The following UVRAG variants were observed in gnomAD, a reference collection of about 807,000 sequenced individuals.
The protein encoded by UVRAG is UV radiation resistance-associated gene protein.
A neutral mutation model predicts 78.0 loss-of-function variants in UVRAG; 19 were observed. That is an observed-to-expected ratio of 0.24 (90% CI 0.17 to 0.36). The LOEUF is 0.36. Among genes scored for constraint, UVRAG ranks in the 10% least tolerant of loss-of-function variants. The pLI is 1.00. For synonymous variants in UVRAG, 323 were observed against 324.6 expected (o/e 1.00, Z 0.05); for missense variants, 740 against 853.8 (o/e 0.87, Z 1.66).
chr11:75,897,100 T>C (rs1414295203), intron 5 of UVRAG, among the ~76,000 whole-genome samples: 2 of 152,222 alleles, frequency 1.3e-5, no homozygotes, highest in African/African-American at 2.4e-5. Flanking sequence ...CAAATCTTTG[T>C]GGATGAAAGA....
chr11:75,889,276 A>G lies in UVRAG; in HGVS notation c.507+373A>G, dbSNP rs565032391. On this transcript the variant is annotated intron_variant, in intron 5 of 14. Transcript: ENST00000356136. ...TTTCAATACATTTAAGAAACTATGA[A>G]TCGGTTGTTTTATAGTCAGCATTAT... is the stretch of plus-strand genomic sequence containing the variant. Among the ~76,000 whole-genome samples, 13 of 152,342 alleles carry G rather than the reference A, an allele frequency of 8.5e-5. 1 individual carries two copies. In the South Asian group the frequency reaches 2.7e-3, roughly 32 times the overall value.
intron 6 of UVRAG, among the ~76,000 whole-genome samples, chr11:75,932,133 A>G (rs1948253649): frequency 6.6e-6 from 1 of 152,182 alleles, no homozygotes; most frequent in Non-Finnish European, 1.5e-5. Flanking sequence ...AAATTCAAAC[A>G]GAATAATGCC....
intron 1 of UVRAG, among the ~76,000 whole-genome samples, chr11:75,844,529 G>A (rs1945992801): frequency 6.6e-6 from 1 of 151,982 alleles, no homozygotes; most frequent in Non-Finnish European, 1.5e-5. Flanking sequence ...CCGGCCTAAA[G>A]CAGCTTTCTA....
In UVRAG at chr11:76,028,153, A is replaced by G. The variant is rs907170679; in HGVS notation, c.1226+11173A>G. ...ATTATTATATCTATTGTGGTGACCT[A>G]TAATCAATGATCTTTCATGTTATTG... On this transcript the variant is annotated intron_variant, in intron 12 of 14. Coordinates refer to ENST00000356136, the MANE Select transcript of UVRAG (RefSeq NM_003369.4). 4.6e-5 allele frequency among the ~76,000 whole-genome samples: 7 copies of G among 152,238 alleles called. No homozygotes were observed. The South Asian group carries it at 1.5e-3, about 32-fold the overall frequency.
chr11:75,918,035 C>A (rs1366580703), intron 6 of UVRAG, among the ~76,000 whole-genome samples: 1 of 151,952 alleles, frequency 6.6e-6, no homozygotes, highest in African/African-American at 2.4e-5. Flanking sequence ...TATCTTAAAT[C>A]CTTACAATCT....
intron 13 of UVRAG, among the ~76,000 whole-genome samples, chr11:76,088,926 G>C (rs540224864): frequency 6.6e-6 from 1 of 152,284 alleles, no homozygotes; most frequent in East Asian, 1.9e-4. Context: ...AAATTAATAA[G>C]TTCCTTAAGG....
chr11:76,099,784 C>T (rs1951847369), intron 13 of UVRAG, among the ~76,000 whole-genome samples: 1 of 151,946 alleles, frequency 6.6e-6, no homozygotes, highest in African/African-American at 2.4e-5. Context: ...AAAGGAAAAT[C>T]ATTGATTTTT....
At chr11:75,912,920 A>G (rs1365459854) in intron 6 of UVRAG, among the ~76,000 whole-genome samples, 1 of 152,236 alleles carries the variant, frequency 6.6e-6, no homozygotes, top group Non-Finnish European at 1.5e-5. Context: ...TAATCTTAAG[A>G]AACATGATTT....
At chr11:75,859,024 GAA>G (rs1946356512) in intron 2 of UVRAG, among the ~76,000 whole-genome samples, 1 of 152,190 alleles carries the variant, frequency 6.6e-6, no homozygotes, top group Admixed American at 6.5e-5. Flanking sequence ...GCTACATAGA[GAA>G]ATATTTATAT....
Position 75,858,153 on chromosome 11 carries a change from A to T in UVRAG, c.236-3593A>T, listed in dbSNP as rs113220072. 5.8e-3 allele frequency among the ~76,000 whole-genome samples: 887 copies of T among 151,820 alleles called. 3 individuals carry two copies. Among genetic ancestry groups the T allele is most frequent in the African/African-American group, 0.012 (501 of 41,320 alleles). ...TTTAATTTTTTAATAGGTAAAAAAA[A>T]ATATATATGTGTATATATATATAAA... On this transcript the variant is annotated intron_variant, in intron 2 of 14. Coordinates refer to ENST00000356136, the MANE Select transcript of UVRAG (RefSeq NM_003369.4).
At chr11:76,139,301 A>G (rs1952659284) in intron 14 of UVRAG, among the ~76,000 whole-genome samples, 1 of 152,158 alleles carries the variant, frequency 6.6e-6, no homozygotes, top group Non-Finnish European at 1.5e-5. Flanking sequence ...GAAACCCCAG[A>G]TCTCTTTTCT....
chr11:75,983,807 G>C, intron 8 of UVRAG: 1 of 244,040 alleles, frequency 4.1e-6, no homozygotes, highest in East Asian at 7.9e-5. Flanking sequence ...TAACACAATG[G>C]TGAGTATTTA....
chr11:75,902,049 C>G (rs1207469932), intron 5 of UVRAG, among the ~76,000 whole-genome samples: 1 of 152,232 alleles, frequency 6.6e-6, no homozygotes, highest in Non-Finnish European at 1.5e-5. Context: ...AGGACAGTGT[C>G]TGTTTTCACC....
chr11:75,855,074 G>A (rs1946257747), intron 2 of UVRAG, among the ~76,000 whole-genome samples: 1 of 152,142 alleles, frequency 6.6e-6, no homozygotes, highest in Non-Finnish European at 1.5e-5. Flanking sequence ...AATCATAATA[G>A]TATTTTCTAA....
intron 1 of UVRAG, among the ~76,000 whole-genome samples, chr11:75,847,295 C>T (rs1162843379): frequency 2.0e-5 from 3 of 150,412 alleles, no homozygotes; most frequent in Non-Finnish European, 2.9e-5. Context: ...GCCTGGCTAA[C>T]TTTTGTATCT....
chr11:76,047,972 C>G (rs78262015), intron 12 of UVRAG, among the ~76,000 whole-genome samples: 5,342 of 152,134 alleles, frequency 0.035, 205 homozygotes, highest in Non-Finnish European at 0.041. Context: ...ATGTTTTATA[C>G]CAAATTAGAA....
intron 8 of UVRAG, among the ~76,000 whole-genome samples, chr11:75,993,670 G>A (rs373003170): frequency 2.0e-5 from 3 of 152,178 alleles, no homozygotes; most frequent in African/African-American, 7.2e-5. Flanking sequence ...TGGTTTTATG[G>A]AAGTGTGTTC....
intron 3 of UVRAG, among the ~76,000 whole-genome samples, chr11:75,864,222 A>G (rs1290632575): frequency 6.6e-6 from 1 of 151,920 alleles, no homozygotes; most frequent in African/African-American, 2.4e-5. Flanking sequence ...TGCCTGACTA[A>G]TTTTTGTATT....
At chr11:75,901,557 A>G (rs1193629147) in intron 5 of UVRAG, among the ~76,000 whole-genome samples, 2 of 152,158 alleles carry the variant, frequency 1.3e-5, no homozygotes, top group Non-Finnish European at 2.9e-5. Context: ...TTCTTAGTGA[A>G]GTGAATGGTA....
Sources: allele counts gnomAD v4.1 joint callset (sites outside exome capture counted in the v4.1 genomes callset), GRCh38; gene constraint gnomAD v4.1.1; transcripts MANE v1.5; gene names NCBI Gene and HGNC (gene_info 2026-07-23, HGNC 2026-07-21).